WDR20: variants seen among roughly 807,000 people sequenced by gnomAD.
The protein encoded by WDR20 is WD repeat domain 20.
A neutral mutation model predicts 38.7 loss-of-function variants in WDR20; 3 were observed. That is an observed-to-expected ratio of 0.08 (90% CI 0.04 to 0.20). The LOEUF is 0.20. Ranked by LOEUF, WDR20 falls within the 10% of genes least tolerant of loss-of-function variation. The pLI is 1.00. For synonymous variants in WDR20, 298 were observed against 285.6 expected, an observed-to-expected ratio of 1.04 and a Z score of -0.44; for missense variants, 559 against 727.7, an observed-to-expected ratio of 0.77 and a Z score of 2.67.
At chr14:102,193,411 T>G in intron 1 of WDR20, 1 of 1,579,898 alleles carries the variant, frequency 6.3e-7, no homozygotes. Context: ...ATGCTTTGTA[T>G]TACACTTTTC....
intron 1 of WDR20, among the ~76,000 whole-genome samples, chr14:102,174,246 TG>T (rs1368752940): frequency 6.6e-6 from 1 of 152,148 alleles, no homozygotes; most frequent in Non-Finnish European, 1.5e-5. Flanking sequence ...TCTTTTCCTC[TG>T]GGTAGATACC....
At chr14:102,183,493 C>T (rs1282542649) in intron 1 of WDR20, among the ~76,000 whole-genome samples, 1 of 152,200 alleles carries the variant, frequency 6.6e-6, no homozygotes, top group Non-Finnish European at 1.5e-5. Context: ...TACTGCTACA[C>T]GTGTTGTTTA....
chr14:102,200,467 T>TTGTGTGTGTGTGTGTGTG (rs71395660), intron 2 of WDR20, among the ~76,000 whole-genome samples: 9 of 117,774 alleles, frequency 7.6e-5, no homozygotes, highest in African/African-American at 2.8e-4. Context: ...ATTTTTTTTT[T>TTGTGTGTGTGTGTGTGTG]TGTGTGTGTG....
chr14:102,208,479 TA>T lies in WDR20; in HGVS notation c.433-120del. On this transcript the variant is annotated intron_variant, in intron 2 of 2. Transcript: ENST00000342702. The surrounding 1 kb of genome is among the most constrained non-coding windows in gnomAD (Gnocchi z 5.6). The stretch of plus-strand genomic sequence containing the variant: ...CTTGCTGGCTTGGCTGACTGCAGGA[TA>T]AAATGTGGAGGGCCTGGATAGACTT... 7.5e-7 allele frequency: 1 copy of T among 1,329,208 alleles called. No homozygotes were observed. Among genetic ancestry groups the T allele is most frequent in the Non-Finnish European group, 1.0e-6 (1 of 999,554 alleles). 82.3% of individuals were successfully genotyped at this position (1,329,208 alleles called of 1,614,324 possible).
At chr14:102,161,177 G>A (rs71421257) in intron 1 of WDR20, among the ~76,000 whole-genome samples, 2 of 59,810 alleles carry the variant, frequency 3.3e-5, no homozygotes, top group Non-Finnish European at 6.7e-5. Context: ...TTGAGGCAGA[G>A]TCTCACTCAG....
chr14:102,139,686 CG>C (rs2050218382), upstream of WDR20: 4 of 673,566 alleles, frequency 5.9e-6, no homozygotes, highest in Admixed American at 1.2e-4. Flanking sequence ...AGGCCACACC[CG>C]GGGGAGGAGC....
intron 1 of WDR20, among the ~76,000 whole-genome samples, chr14:102,164,315 C>T (rs923284436): frequency 4.6e-5 from 7 of 152,012 alleles, no homozygotes; most frequent in Admixed American, 6.6e-5. Flanking sequence ...CTCCAGTTCC[C>T]GCCATCATCT....
At chr14:102,188,871 T>TC (rs1555393976) in intron 1 of WDR20, among the ~76,000 whole-genome samples, 13 of 58,880 alleles carry the variant, frequency 2.2e-4, no homozygotes, top group East Asian at 7.7e-4. Flanking sequence ...AGACCCTGTT[T>TC]CAAAAAAAAA....
intron 1 of WDR20, among the ~76,000 whole-genome samples, chr14:102,154,087 T>C (rs1378952273): frequency 6.6e-6 from 1 of 152,174 alleles, no homozygotes; most frequent in Non-Finnish European, 1.5e-5. Flanking sequence ...CTCTTGAGCA[T>C]AGGAGTTTGA....
At chr14:102,214,738 T>C (rs1179657494), downstream of WDR20, 3 of 979,928 alleles carry the variant, frequency 3.1e-6, no homozygotes, top group Admixed American at 1.8e-4. Flanking sequence ...CTTGACAACT[T>C]GAATAAATTT....
chr14:102,195,505 T>C (rs2059262024), intron 2 of WDR20, among the ~76,000 whole-genome samples: 1 of 152,270 alleles, frequency 6.6e-6, no homozygotes, highest in South Asian at 2.1e-4. Flanking sequence ...TTCCTTAGGC[T>C]GCTTAAATTG....
intron 1 of WDR20, chr14:102,178,957 T>G (rs1295283652): frequency 1.3e-5 from 2 of 152,060 alleles, no homozygotes; most frequent in Non-Finnish European, 2.9e-5. Context: ...ATGTAGTAAC[T>G]TGCCAAGGCT....
chr14:102,203,496 T>C (rs1343495260), intron 2 of WDR20, among the ~76,000 whole-genome samples: 1 of 152,172 alleles, frequency 6.6e-6, no homozygotes. Flanking sequence ...GCCCTTTAGC[T>C]TGGGACTTCA....
At chr14:102,161,142 A>ATATATATATAT (rs1342924049) in intron 1 of WDR20, among the ~76,000 whole-genome samples, 3 of 16,050 alleles carry the variant, frequency 1.9e-4, no homozygotes, top group South Asian at 3.8e-3. Flanking sequence ...ATATATATAT[A>ATATATATATAT]TTTTTTTTTT....
chr14:102,178,980 A>G (rs1319902122), intron 1 of WDR20: 1 of 152,050 alleles, frequency 6.6e-6, no homozygotes, highest in Non-Finnish European at 1.5e-5. Flanking sequence ...ACAGCTGGTA[A>G]GTGGCAGCCG....
intron 1 of WDR20, among the ~76,000 whole-genome samples, chr14:102,153,666 C>G (rs765215088): frequency 1.3e-5 from 2 of 152,168 alleles, no homozygotes; most frequent in Non-Finnish European, 2.9e-5. Context: ...GAAGAACAGC[C>G]TAATACACTG....
At chr14:102,139,857 C>T (rs1407852980), upstream of WDR20, 27 of 1,580,134 alleles carry the variant, frequency 1.7e-5, no homozygotes, top group South Asian at 5.8e-5. Flanking sequence ...GAGGGAGCAC[C>T]AGGAACAGCG....
chr14:102,172,218 TG>T (rs1180851835), intron 1 of WDR20, among the ~76,000 whole-genome samples: 1 of 150,716 alleles, frequency 6.6e-6, no homozygotes, highest in Non-Finnish European at 1.5e-5. Flanking sequence ...AGCACAGGGT[TG>T]GGGGGTAAGG....
At position 102,207,388 on chromosome 14, in the gene WDR20, C is replaced by T. The variant is rs1310859358; in HGVS notation, c.433-1215C>T. On this transcript the variant is annotated intron_variant, in intron 2 of 2. Coordinates refer to ENST00000342702, the MANE Select transcript of WDR20 (RefSeq NM_144574.4). This position sits in a 1 kb window ranked among gnomAD's most constrained non-coding sequence, Gnocchi z 5.0. ...TAATTCTCTGTAAAGATGTAGCACACATGGCGGGCACATGGCCTCAAAGCC... is the reference window on the plus strand; with the variant it reads ...TAATTCTCTGTAAAGATGTAGCACATATGGCGGGCACATGGCCTCAAAGCC... 1.3e-5 allele frequency among the ~76,000 whole-genome samples: 2 copies of T among 152,396 alleles called. No homozygotes were observed. The highest frequency in any genetic ancestry group is 2.9e-5 in the Non-Finnish European group (2 of 68,046).
Sources: allele counts gnomAD v4.1 joint callset (sites outside exome capture counted in the v4.1 genomes callset), GRCh38; gene constraint gnomAD v4.1.1; non-coding constraint Gnocchi (gnomAD v3.1); transcripts MANE v1.5; gene names NCBI Gene and HGNC (gene_info 2026-07-23, HGNC 2026-07-21).